The following TMOD1 variants were observed in gnomAD, a reference collection of about 807,000 sequenced individuals.
TMOD1 encodes the protein tropomodulin-1.
TMOD1 carries 17 observed loss-of-function variants against 40.6 expected under a neutral mutation model. That is an observed-to-expected ratio of 0.42 (90% CI 0.29 to 0.63). The LOEUF (loss-of-function observed/expected upper bound fraction) is 0.63, where lower values mean the gene tolerates loss of function less well. Ranked by LOEUF, TMOD1 falls within the 20% of genes least tolerant of loss-of-function variation. The pLI is 0.22. For missense variants in TMOD1, 391 were observed against 447.6 expected (o/e 0.87, Z 1.14); for synonymous variants, 181 against 175.0 (o/e 1.03, Z -0.27).
chr9:97,554,043 C>T (rs1830495007), intron 4 of TMOD1, among the ~76,000 whole-genome samples: 1 of 152,166 alleles, frequency 6.6e-6, no homozygotes, highest in Admixed American at 6.5e-5. Flanking sequence ...TGTTCCATCC[C>T]CACAGGAAGG....
At chr9:97,509,685 G>A (rs1008719524) in intron 1 of TMOD1, among the ~76,000 whole-genome samples, 2 of 151,806 alleles carry the variant, frequency 1.3e-5, no homozygotes, top group African/African-American at 4.8e-5. Flanking sequence ...TAGGCGAGAC[G>A]GGGTTTCACC....
Position 97,591,373 on chromosome 9 carries a change from A to G in TMOD1, c.953A>G (p.His318Arg). 3.1e-6 allele frequency: 5 copies of G among 1,614,184 alleles called. No individual in the cohort carries two copies. Among genetic ancestry groups the G allele is most frequent in the Non-Finnish European group, 4.2e-6 (5 of 1,180,034 alleles). Residue 318 changes from histidine to arginine, a missense_variant, in exon 9 of 10, where the codon CAC becomes CGC. Coordinates refer to ENST00000259365, the MANE Select transcript of TMOD1 (RefSeq NM_003275.4). ...KNATLLKFGY[H>R]FTQQGPRLRA... ...GCAACACTTCTCAAATTCGGCTACCACTTTACCCAGCAAGGACCCCGGCTT... is the reference window on the plus strand; with the variant it reads ...GCAACACTTCTCAAATTCGGCTACCGCTTTACCCAGCAAGGACCCCGGCTT...
chr9:97,562,199 A>T (rs10982748), intron 4 of TMOD1, among the ~76,000 whole-genome samples: 32,012 of 152,206 alleles, frequency 0.21, 4,058 homozygotes, highest in Middle Eastern at 0.36. Flanking sequence ...TTTGTGCTGC[A>T]TGCTGGGAGG....
chr9:97,550,177 A>G (rs750909106), intron 3 of TMOD1, among the ~76,000 whole-genome samples: 3 of 152,192 alleles, frequency 2.0e-5, no homozygotes, highest in Non-Finnish European at 2.9e-5. Context: ...ACTGAGCACA[A>G]TGTTTTCCAG....
chr9:97,565,771 G>A, intron 6 of TMOD1, 77 bp from the exon 7 acceptor site: 3 of 1,172,864 alleles, frequency 2.6e-6, no homozygotes, highest in South Asian at 2.7e-5. Flanking sequence ...TCAGAGAGTA[G>A]CCAGGCTAAT....
At chr9:97,566,390 G>T (rs1830727909) in intron 7 of TMOD1, among the ~76,000 whole-genome samples, 1 of 152,166 alleles carries the variant, frequency 6.6e-6, no homozygotes, top group Non-Finnish European at 1.5e-5. Context: ...AATGGTTTTG[G>T]TTGGGCGCAG....
rs1057262981 is a variant in TMOD1, at chr9:97,502,702, C to A, written c.-49+899C>A. On this transcript the variant is annotated intron_variant, in intron 1 of 9. Transcript: ENST00000259365. This position sits in a 1 kb window ranked among gnomAD's most constrained non-coding sequence, Gnocchi z 6.1. The stretch of plus-strand genomic sequence containing the variant: ...CTGACTGCCCCAGACTCGATCGTAT[C>A]CTGGGACTCACTAAGGCCGTCGGAT... Among the ~76,000 whole-genome samples, 5 of 152,216 alleles carry A rather than the reference C, an allele frequency of 3.3e-5. No individual in the cohort carries two copies. The highest frequency in any genetic ancestry group is 1.2e-4 in the African/African-American group (5 of 41,456).
rs1467360408 is a variant in TMOD1 at position 97,559,821 on chromosome 9, ATATGTCTATCTATCTATCTATCTATC to A, written c.398-2907_398-2882del. Among the ~76,000 whole-genome samples, 123 of 26,202 alleles carry A rather than the reference ATATGTCTATCTATCTATCTATCTATC, an allele frequency of 4.7e-3. 3 individuals carry two copies. The highest frequency in any genetic ancestry group is 0.012 in the African/African-American group (87 of 7,096). The allele number at this position is 26,202 out of a possible 152,430, so 17.2% of individuals were successfully genotyped here. On this transcript the variant is annotated intron_variant, in intron 4 of 9. Transcript: ENST00000259365. ...TATATATATATATATATATATATAT[ATATGTCTATCTATCTATCTATCTATC>A]TATCTCCAGAGATTCTGATTGGTTG...
chr9:97,563,901 A>AAC, intron 5 of TMOD1, 137 bp from the exon 6 acceptor site: 5 of 1,138,332 alleles, frequency 4.4e-6, no homozygotes, highest in African/African-American at 1.6e-5. Context: ...GGTGCCCCCT[A>AAC]CCCCCACCCA....
rs149622895 is a variant in TMOD1 at position 97,562,529 on chromosome 9, G to A, written c.398-203G>A. The stretch of plus-strand genomic sequence containing the variant: ...GACATCAGGGAATCAGAGGCCAGGG[G>A]CAGAGCAGCCTGGGCTGGGGCTGGG... On this transcript the variant is annotated intron_variant, in intron 4 of 9. Coordinates refer to ENST00000259365, the MANE Select transcript of TMOD1 (RefSeq NM_003275.4). Among the ~76,000 whole-genome samples the A allele has an allele frequency of 3.0e-3, 461 of 152,346 alleles. 3 individuals are homozygous for A. Among genetic ancestry groups the A allele is most frequent in the East Asian group, 0.024 (123 of 5,190 alleles).
intron 8 of TMOD1, among the ~76,000 whole-genome samples, chr9:97,587,243 T>C (rs528347225): frequency 2.8e-4 from 42 of 152,348 alleles, no homozygotes; most frequent in African/African-American, 8.4e-4. Flanking sequence ...TGTAAACATA[T>C]GTTTTAATTT....
At chr9:97,514,819 C>T (rs960424772) in intron 1 of TMOD1, among the ~76,000 whole-genome samples, 5 of 152,214 alleles carry the variant, frequency 3.3e-5, no homozygotes, top group Non-Finnish European at 7.3e-5. Context: ...GTTGCGGCAG[C>T]GGCCAGGACC....
At chr9:97,563,247 G>A (rs1830668623) in intron 5 of TMOD1, among the ~76,000 whole-genome samples, 1 of 152,000 alleles carries the variant, frequency 6.6e-6, no homozygotes, top group African/African-American at 2.4e-5. Flanking sequence ...TGGAGATGAG[G>A]TCACACCATT....
intron 4 of TMOD1, among the ~76,000 whole-genome samples, chr9:97,554,390 A>T (rs1175405458): frequency 6.6e-6 from 1 of 152,140 alleles, no homozygotes; most frequent in African/African-American, 2.4e-5. Context: ...AACCTGTGGC[A>T]CTTGAGGCAC....
At chr9:97,585,400 G>T (rs1825848735) in intron 8 of TMOD1, among the ~76,000 whole-genome samples, 1 of 151,802 alleles carries the variant, frequency 6.6e-6, no homozygotes, top group Non-Finnish European at 1.5e-5. Context: ...GCTTCCCTTT[G>T]TGGGTAACCT....
At position 97,599,580 on chromosome 9, in the gene TMOD1, G is replaced by A. The variant is rs1026561173; in HGVS notation, c.1016-54G>A. 4.5e-5 allele frequency: 73 copies of A among 1,608,302 alleles called. 2 individuals are homozygous for A. The Middle Eastern group carries it at 1.5e-3, about 33-fold the overall frequency. ...ACAGTGCTTTCTCAGCAACAGTGCT[G>A]GCCCCTGGTCTACAGGGAAAAGTGC... On this transcript the variant is annotated intron_variant, in intron 9 of 9. Coordinates refer to ENST00000259365, the MANE Select transcript of TMOD1 (RefSeq NM_003275.4).
chr9:97,517,886 G>A (rs1829841324), intron 1 of TMOD1: 1 of 152,634 alleles, frequency 6.6e-6, no homozygotes, highest in African/African-American at 2.4e-5. Context: ...GGGGGCTCGT[G>A]GGAAACAGGC....
intron 8 of TMOD1, among the ~76,000 whole-genome samples, chr9:97,571,925 T>G (rs1046900208): frequency 5.9e-5 from 9 of 152,216 alleles, no homozygotes; most frequent in Non-Finnish European, 1.2e-4. Flanking sequence ...TTGCCAGGAC[T>G]GTGCTGGGCT....
chr9:97,509,408 T>C lies in TMOD1; in HGVS notation c.-49+7605T>C, dbSNP rs183738663. On this transcript the variant is annotated intron_variant, in intron 1 of 9. Coordinates refer to ENST00000259365, the MANE Select transcript of TMOD1 (RefSeq NM_003275.4). ...GTAGCCTCAAGGATGGTGTTAATAG[T>C]AGTCTGTTGTATGTCTCTAATTTAT... 1.1e-4 allele frequency among the ~76,000 whole-genome samples: 17 copies of C among 152,238 alleles called. No homozygotes were observed. The East Asian group carries it at 2.5e-3, about 22-fold the overall frequency.
Sources: allele counts gnomAD v4.1 joint callset (sites outside exome capture counted in the v4.1 genomes callset), GRCh38; gene constraint gnomAD v4.1.1; non-coding constraint Gnocchi (gnomAD v3.1); transcripts MANE v1.5; gene names NCBI Gene and HGNC (gene_info 2026-07-23, HGNC 2026-07-21).